Variants in INTS3 observed in about 807,000 individuals in gnomAD.
INTS3 encodes SOSS complex subunit A.
In INTS3, 34 loss-of-function variants were observed where a neutral mutation model predicts 146.3. The ratio of observed to expected loss-of-function variants is 0.23; its 90% confidence interval spans 0.18 to 0.31. The LOEUF (loss-of-function observed/expected upper bound fraction) is 0.31, where lower values mean the gene tolerates loss of function less well. INTS3 is among the 10% of genes least tolerant of loss of function. The pLI is 1.00. For missense variants in INTS3, 757 were observed against 1,304.2 expected, an observed-to-expected ratio of 0.58 and a Z score of 6.46; for synonymous variants, 475 against 494.9, an observed-to-expected ratio of 0.96 and a Z score of 0.53.
rs1672187686 is a variant in INTS3, at chr1:153,757,059, G to A, written c.958-513G>A. ...GTGTTACTATTTGTGATCACTTAGG[G>A]TCTGTTTGAGGAAAAACTTTCCACA... On this transcript the variant is annotated intron_variant, in intron 9 of 29. Transcript: ENST00000318967. The surrounding 1 kb of genome is among the most constrained non-coding windows in gnomAD (Gnocchi z 4.0). 6.6e-6 allele frequency among the ~76,000 whole-genome samples: 1 copy of A among 152,120 alleles called. No homozygotes were observed.
chr1:153,731,577 C>CTTTTTTTT lies in INTS3; in HGVS notation c.150+2794_150+2795insTTTTTTTT, dbSNP rs1491428244. 1.3e-4 allele frequency among the ~76,000 whole-genome samples: 17 copies of CTTTTTTTT among 129,224 alleles called. 6 individuals are homozygous for CTTTTTTTT. Among genetic ancestry groups the CTTTTTTTT allele is most frequent in the Non-Finnish European group, 1.3e-4 (8 of 61,470 alleles). 84.8% of individuals were successfully genotyped at this position (129,224 alleles called of 152,430 possible). A position where few individuals can be genotyped will look rare whatever the true frequency, so the allele number is the denominator to read the frequency against. ...TGAAAGTGGGAGGCCCAAGAGCGTC[C>CTTTTTTTT]TCTTTTTTTTTTTTTTTTTTTTTGA... is the stretch of plus-strand genomic sequence containing the variant. On this transcript the variant is annotated intron_variant, in intron 1 of 29. Transcript: ENST00000318967.
chr1:153,738,518 A>G (rs1443177014), intron 1 of INTS3, among the ~76,000 whole-genome samples: 1 of 152,230 alleles, frequency 6.6e-6, no homozygotes, highest in East Asian at 1.9e-4. Context: ...GTGATGTTAT[A>G]TCCTTTCAGT....
chr1:153,766,489 G>A (rs1413132834), intron 20 of INTS3: 6 of 151,874 alleles, frequency 4.0e-5, no homozygotes, highest in African/African-American at 1.5e-4. Flanking sequence ...TGTAGAGATG[G>A]GGTTTCACTG....
At chr1:153,733,639 G>A (rs979997658) in intron 1 of INTS3, among the ~76,000 whole-genome samples, 11 of 151,542 alleles carry the variant, frequency 7.3e-5, no homozygotes, top group Non-Finnish European at 1.6e-4. Flanking sequence ...ATGGATTCTC[G>A]CTCCGTCACC....
At position 153,773,255 on chromosome 1, in the gene INTS3, C is replaced by T. The variant is rs1672983728; in HGVS notation, c.3114C>T (p.Gly1038=). Residue 1038 remains glycine, a synonymous_variant, in exon 30 of 30, where the codon GGC becomes GGT. Transcript: ENST00000318967. ...AACGAAAAGGGTCCTCTGCAGTGGG[C>T]TCTGACAGTGACTGAGGCCCTGCAT... ...KRKRKGSSAV[G]SDSD 1.2e-6 allele frequency: 2 copies of T among 1,614,006 alleles called. No homozygotes were observed. The highest frequency in any genetic ancestry group is 1.7e-6 in the Non-Finnish European group (2 of 1,179,952).
rs116814055 is a variant in INTS3, at chr1:153,744,730, A to C, written c.319-2227A>C. ...TGAGGGGTACATTTCTTTTGAATGCATAGGATGAAAGAGTTTAGAAATGTT... is the reference window on the plus strand; with the variant it reads ...TGAGGGGTACATTTCTTTTGAATGCCTAGGATGAAAGAGTTTAGAAATGTT... On this transcript the variant is annotated intron_variant, in intron 3 of 29. Transcript: ENST00000318967. Among the ~76,000 whole-genome samples the C allele has an allele frequency of 2.5e-3, 382 of 152,338 alleles. 3 individuals carry two copies. Among genetic ancestry groups the C allele is most frequent in the Non-Finnish European group, 4.5e-3 (303 of 68,022 alleles).
chr1:153,763,393 A>C (rs768284397), intron 16 of INTS3, 31 bp downstream of exon 16: 4 of 1,612,626 alleles, frequency 2.5e-6, no homozygotes, highest in Non-Finnish European at 3.4e-6. Flanking sequence ...CAACTTCAGG[A>C]GGTTCAGCCC....
Position 153,761,612 on chromosome 1 carries a change from G to A in INTS3, c.1452G>A (p.Glu484=). 1 of 1,614,204 alleles carries A rather than the reference G, an allele frequency of 6.2e-7. No homozygotes were observed. Among genetic ancestry groups the A allele is most frequent in the South Asian group, 1.1e-5 (1 of 91,090 alleles). ...PLFDNPKLDK[E]LRAMLREKFP... is the part of the protein sequence containing the mutation. ...TTGACAACCCTAAGTTGGATAAGGA[G>A]CTGCGGGCAATGCTGAGAGAGAAGT... Residue 484 remains glutamate (E), a synonymous_variant, in exon 14 of 30, where the codon GAG becomes GAA. Coordinates refer to ENST00000318967, the MANE Select transcript of INTS3 (RefSeq NM_023015.5).
chr1:153,757,236 G>A lies in INTS3; in HGVS notation c.958-336G>A, dbSNP rs757841144. Reference sequence around the variant, plus strand: ...CAGTGGCTCAAGAAAATGAGAAAAGGTTATACTTCTGACTGGAGAGTCAGT... The same window carrying A: ...CAGTGGCTCAAGAAAATGAGAAAAGATTATACTTCTGACTGGAGAGTCAGT... On this transcript the variant is annotated intron_variant, in intron 9 of 29. Coordinates refer to ENST00000318967, the MANE Select transcript of INTS3 (RefSeq NM_023015.5). This position sits in a 1 kb window ranked among gnomAD's most constrained non-coding sequence, Gnocchi z 4.0. 3.3e-5 allele frequency among the ~76,000 whole-genome samples: 5 copies of A among 152,186 alleles called. No individual in the cohort carries two copies. Among genetic ancestry groups the A allele is most frequent in the Non-Finnish European group, 7.3e-5 (5 of 68,034 alleles).
chr1:153,770,872 A>T, intron 25 of INTS3, 139 bp downstream of exon 25: 1 of 705,370 alleles, frequency 1.4e-6, no homozygotes, highest in Non-Finnish European at 2.5e-6. Context: ...CCTTCCCCCA[A>T]CGTGACTTAC....
chr1:153,764,808 TG>T, intron 19 of INTS3, 74 bp downstream of exon 19: 7 of 1,514,872 alleles, frequency 4.6e-6, no homozygotes, highest in Non-Finnish European at 6.4e-6. Context: ...GCTCCTGTCC[TG>T]GGGTAATGGG....
In INTS3 at chr1:153,772,286, C is replaced by A; in HGVS notation, c.2721-54C>A. On this transcript the variant is annotated intron_variant, in intron 26 of 29. Transcript: ENST00000318967. This position sits in a 1 kb window ranked among gnomAD's most constrained non-coding sequence, Gnocchi z 4.6. ...GGGCCCTGGCGGGTGGAGGGTGTCTCGCACTCTGGAACCCTCCCACACTCA... is the reference window on the plus strand; with the variant it reads ...GGGCCCTGGCGGGTGGAGGGTGTCTAGCACTCTGGAACCCTCCCACACTCA... 6.3e-7 allele frequency: 1 copy of A among 1,580,236 alleles called. No individual in the cohort carries two copies.
At chr1:153,734,304 C>T (rs1671204857) in intron 1 of INTS3, among the ~76,000 whole-genome samples, 1 of 152,168 alleles carries the variant, frequency 6.6e-6, no homozygotes, top group African/African-American at 2.4e-5. Context: ...CTGTGGCTTT[C>T]TTTGAAGGGA....
chr1:153,760,782 G>A, intron 12 of INTS3, 45 bp from the exon 13 acceptor site: 2 of 1,454,786 alleles, frequency 1.4e-6, no homozygotes, highest in Non-Finnish European at 1.9e-6. Flanking sequence ...GGAAGCCTCT[G>A]GATGGAGTCC....
At chr1:153,733,897 C>T (rs568775014) in intron 1 of INTS3, among the ~76,000 whole-genome samples, 1 of 152,328 alleles carries the variant, frequency 6.6e-6, no homozygotes, top group Non-Finnish European at 1.5e-5. Context: ...GCCACCACAC[C>T]CAGCCACTGT....
intron 1 of INTS3, among the ~76,000 whole-genome samples, chr1:153,736,666 C>T (rs1342755240): frequency 6.6e-6 from 1 of 151,406 alleles, no homozygotes; most frequent in Non-Finnish European, 1.5e-5. Flanking sequence ...AGGCTGGTCT[C>T]GAACTCCTAA....
At chr1:153,729,606 G>A (rs1175408849) in intron 1 of INTS3, among the ~76,000 whole-genome samples, 1 of 152,176 alleles carries the variant, frequency 6.6e-6, no homozygotes, top group African/African-American at 2.4e-5. Flanking sequence ...GGTGGCTCAC[G>A]CCTGTAATCC....
Position 153,747,077 on chromosome 1 carries a change from C to T in INTS3, c.432+7C>T, listed in dbSNP as rs2101798157. 1 of 1,579,462 alleles carries T rather than the reference C, an allele frequency of 6.3e-7. No individual in the cohort carries two copies. The highest frequency in any genetic ancestry group is 8.7e-7 in the Non-Finnish European group (1 of 1,149,072). On this transcript the variant is annotated splice_region_variant and intron_variant, in intron 4 of 29. Transcript: ENST00000318967. ...GGATACCTGCCGTACTCAGGTAAGG[C>T]CAGAAAGAAAAGACAAGATCCAGCT... is the stretch of plus-strand genomic sequence containing the variant.
Position 153,757,874 on chromosome 1 carries a change from A to T in INTS3, c.1149+111A>T. 2.6e-6 allele frequency: 2 copies of T among 769,168 alleles called. No homozygotes were observed. Among genetic ancestry groups the T allele is most frequent in the Non-Finnish European group, 4.2e-6 (2 of 470,598 alleles). 47.6% of individuals were successfully genotyped at this position (769,168 alleles called of 1,614,324 possible). ...CTTGACCCCTAAGGGCCCTTCTTTC[A>T]CTCTGGTCTTCCAGAGTGTCTCAGC... On this transcript the variant is annotated intron_variant, in intron 10 of 29. Coordinates refer to ENST00000318967, the MANE Select transcript of INTS3 (RefSeq NM_023015.5). The surrounding 1 kb of genome is among the most constrained non-coding windows in gnomAD (Gnocchi z 4.0).
Sources: gnomAD v4.1 joint callset for allele counts (sites outside exome capture counted in the v4.1 genomes callset) on GRCh38, gnomAD v4.1.1 for gene constraint, Gnocchi (gnomAD v3.1) non-coding constraint, MANE v1.5 for transcripts, NCBI Gene and HGNC (gene_info 2026-07-23, HGNC 2026-07-21) for gene names.